SLC19A1: variants seen among roughly 807,000 people sequenced by gnomAD.
SLC19A1 encodes solute carrier family 19 member 1.
A neutral mutation model predicts 35.3 loss-of-function variants in SLC19A1; 37 were observed. That is an observed-to-expected ratio of 1.05 (90% CI 0.81 to 1.38). The LOEUF (loss-of-function observed/expected upper bound fraction) is 1.38. Among genes scored for constraint, SLC19A1 ranks in the 40% most tolerant of loss-of-function variants. The pLI is 0.00. For missense variants in SLC19A1, 831 were observed against 826.9 expected, an observed-to-expected ratio of 1.00 and a Z score of -0.06; for synonymous variants, 460 against 398.5, an observed-to-expected ratio of 1.15 and a Z score of -1.84.
At chr21:45,537,737 C>CA in intron 2 of SLC19A1, 34 bp downstream of exon 2, 1 of 1,213,156 alleles carries the variant, frequency 8.2e-7, no homozygotes, top group Non-Finnish European at 1.0e-6. Context: ...CACCCACCCA[C>CA]AGGCGGCCGC....
rs138465418 is a variant in SLC19A1, at chr21:45,522,964, C to G, written c.1293+2853G>C. Among the ~76,000 whole-genome samples, 466 of 152,280 alleles carry G rather than the reference C, an allele frequency of 3.1e-3. 1 individual carries two copies. The highest frequency in any genetic ancestry group is 5.0e-3 in the Admixed American group (76 of 15,306). ...GCTACAGAACTGTAAGACGTGACCACTGTGAAAACTGGGTACGGGGTACAT... is the reference window on the plus strand; with the variant it reads ...GCTACAGAACTGTAAGACGTGACCAGTGTGAAAACTGGGTACGGGGTACAT... On this transcript the variant is annotated intron_variant, in intron 5 of 5. Transcript: ENST00000311124.
At chr21:45,503,304 C>T (rs2036965166) in intron 3 of SLC19A1, among the ~76,000 whole-genome samples, 1 of 152,116 alleles carries the variant, frequency 6.6e-6, no homozygotes, top group South Asian at 2.1e-4. Flanking sequence ...TTTTGATTTG[C>T]ATTTCTCTGA....
chr21:45,537,292 C>A lies in SLC19A1; in HGVS notation c.189+479G>T, dbSNP rs565536035. Among the ~76,000 whole-genome samples, 31 of 152,244 alleles carry A rather than the reference C, an allele frequency of 2.0e-4. No individual in the cohort carries two copies. In the South Asian group the frequency reaches 6.4e-3, roughly 32 times the overall value. ...GCTGCTGGGAGTGTGAGACCCCAGC[C>A]GGGTTCCCTCCAGGACCATATTATC... On this transcript the variant is annotated intron_variant, in intron 2 of 5. Transcript: ENST00000311124.
At position 45,515,186 on chromosome 21, in the gene SLC19A1, A is replaced by C; in HGVS notation, c.*472T>G. 1.3e-6 allele frequency: 2 copies of C among 1,521,560 alleles called. No individual in the cohort carries two copies. Among genetic ancestry groups the C allele is most frequent in the Non-Finnish European group, 1.8e-6 (2 of 1,140,006 alleles). 94.3% of individuals were successfully genotyped at this position (1,521,560 alleles called of 1,614,324 possible). ...GTTAAAAAAAAAAAAAGCATCTTTC[A>C]AAAAAGCAAGAGCACCAAGGATGAC... On this transcript the variant is annotated 3_prime_UTR_variant, in exon 6 of 6. Transcript: ENST00000311124.
Position 45,504,499 on chromosome 21 carries a change from GCCCGGCCCC to G in SLC19A1, c.498-5896_498-5888del, listed in dbSNP as rs777010917. On this transcript the variant is annotated intron_variant, in intron 3 of 4. Transcript: ENST00000417954. ...GCGGCGGTTTCTTCGGCTCCAGCCT[GCCCGGCCCC>G]CCCGGCCCCCCAGGCCCCCCAGGCC... The G allele has an allele frequency of 2.6e-3, 3,902 of 1,499,152 alleles. 6 individuals carry two copies. The highest frequency in any genetic ancestry group is 3.4e-3 in the Admixed American group (161 of 47,792). The allele number at this position is 1,499,152 out of a possible 1,614,324, so 92.9% of individuals were successfully genotyped here.
downstream of SLC19A1, among the ~76,000 whole-genome samples, chr21:45,509,130 T>G (rs1474150271): frequency 2.6e-5 from 4 of 152,080 alleles, no homozygotes; most frequent in Non-Finnish European, 5.9e-5. Flanking sequence ...CGGCTGGGTC[T>G]GTGGGGCCTG....
rs773822704 is a variant in SLC19A1, at chr21:45,504,407, C to G, written c.498-5795G>C. On this transcript the variant is annotated intron_variant, in intron 3 of 4. Transcript: ENST00000417954. ...AGGGCTCCCGTGTAACAAGTGTTTCCGTCCACAGGGGGAGAAGGGAGACCG... is the reference window on the plus strand; with the variant it reads ...AGGGCTCCCGTGTAACAAGTGTTTCGGTCCACAGGGGGAGAAGGGAGACCG... 2 of 1,610,316 alleles carry G rather than the reference C, an allele frequency of 1.2e-6. No homozygotes were observed. Among genetic ancestry groups the G allele is most frequent in the East Asian group, 2.2e-5 (1 of 44,842 alleles).
In SLC19A1 at chr21:45,534,048, G is replaced by A. The variant is rs144318096; in HGVS notation, c.190-1900C>T. On this transcript the variant is annotated intron_variant, in intron 2 of 5. Coordinates refer to ENST00000311124, the MANE Select transcript of SLC19A1 (RefSeq NM_194255.4). This position sits in a 1 kb window ranked among gnomAD's most constrained non-coding sequence, Gnocchi z 4.2. ...TGACCCAAAGGCTGTGGTCCCAGCA[G>A]CACCAGGCACCCAAGGTCCCTCCGG... Among the ~76,000 whole-genome samples, 57 of 152,270 alleles carry A rather than the reference G, an allele frequency of 3.7e-4. No individual in the cohort carries two copies. The highest frequency in any genetic ancestry group is 1.2e-3 in the African/African-American group (50 of 41,564).
intron 1 of SLC19A1, among the ~76,000 whole-genome samples, chr21:45,549,991 A>T (rs1424034605): frequency 6.6e-6 from 1 of 151,880 alleles, no homozygotes; most frequent in Non-Finnish European, 1.5e-5. Flanking sequence ...CAGGCTGCAG[A>T]GCCCCGAACT....
Position 45,549,684 on chromosome 21 carries a change from G to A in SLC19A1, c.-49-11676C>T, listed in dbSNP as rs1387084125. Among the ~76,000 whole-genome samples, 15 of 80,362 alleles carry A rather than the reference G, an allele frequency of 1.9e-4. No individual in the cohort carries two copies. In the East Asian group the frequency reaches 2.2e-3, roughly 12 times the overall value. 52.7% of individuals were successfully genotyped at this position (80,362 alleles called of 152,430 possible). On this transcript the variant is annotated intron_variant, in intron 1 of 5. Transcript: ENST00000650808. ...GTGGGGAGGGGGACAGGTGGTGGGG[G>A]AGGGGCAGGGGGAGAGGTGGTGGGT... is the stretch of plus-strand genomic sequence containing the variant.
At chr21:45,505,805 C>CA in intron 3 of SLC19A1, 1 of 1,562,786 alleles carries the variant, frequency 6.4e-7, no homozygotes, top group African/African-American at 1.3e-5. Flanking sequence ...CCCTCCCCGC[C>CA]AAGCCCCACA....
chr21:45,555,065 C>A (rs1242567503), intron 1 of SLC19A1, among the ~76,000 whole-genome samples: 10 of 149,964 alleles, frequency 6.7e-5, no homozygotes, highest in African/African-American at 2.5e-4. Context: ...CCCGACGCAA[C>A]GCGGGGAGTG....
At chr21:45,535,119 G>A (rs1045114812) in intron 2 of SLC19A1, among the ~76,000 whole-genome samples, 3 of 152,374 alleles carry the variant, frequency 2.0e-5, no homozygotes, top group South Asian at 4.1e-4. Context: ...GGCTGGGGAC[G>A]GGGCATGGGC....
Position 45,512,588 on chromosome 21 carries a change from C to A in SLC19A1, c.*3070G>T. ...AGTGTATTTTTTTAAAAGTTTAAAACAGAAGCCTGATGCTGACATTCACCT... is the reference window on the plus strand; with the variant it reads ...AGTGTATTTTTTTAAAAGTTTAAAAAAGAAGCCTGATGCTGACATTCACCT... On this transcript the variant is annotated 3_prime_UTR_variant, in exon 6 of 6. Transcript: ENST00000311124. The A allele has an allele frequency of 1.6e-6, 1 of 638,476 alleles. No individual in the cohort carries two copies. The highest frequency in any genetic ancestry group is 2.7e-6 in the Non-Finnish European group (1 of 370,082). The allele number at this position is 638,476 out of a possible 1,614,324, so 39.6% of individuals were successfully genotyped here.
intron 3 of SLC19A1, chr21:45,506,363 T>C: frequency 2.8e-6 from 1 of 352,968 alleles, no homozygotes; most frequent in South Asian, 2.2e-5. Context: ...GGGGGCAGGC[T>C]GTCCCGTGGC....
upstream of SLC19A1, among the ~76,000 whole-genome samples, chr21:45,545,951 C>T (rs902189835): frequency 6.6e-5 from 10 of 152,218 alleles, no homozygotes; most frequent in African/African-American, 1.7e-4. Context: ...TGCAGCTGCC[C>T]CTCTCTCCAG....
At chr21:45,561,184 C>T (rs1419288739) in intron 1 of SLC19A1, among the ~76,000 whole-genome samples, 1 of 152,166 alleles carries the variant, frequency 6.6e-6, no homozygotes, top group South Asian at 2.1e-4. Flanking sequence ...CAGCTGGGGG[C>T]AAATGCCTTC....
In SLC19A1 at chr21:45,554,880, T is replaced by G. The variant is rs546433165; in HGVS notation, c.-50+7862A>C. On this transcript the variant is annotated intron_variant, in intron 1 of 5. Coordinates refer to the SLC19A1 transcript ENST00000650808. Reference sequence around the variant, plus strand: ...TTCATTGAGTCCCAGCAGCGGGCCCTGTTCCCGGCTTCAGTGGCGAGGCCC... The same window carrying G: ...TTCATTGAGTCCCAGCAGCGGGCCCGGTTCCCGGCTTCAGTGGCGAGGCCC... Among the ~76,000 whole-genome samples, 505 of 152,042 alleles carry G rather than the reference T, an allele frequency of 3.3e-3. 1 individual carries two copies. Among genetic ancestry groups the G allele is most frequent in the African/African-American group, 0.012 (484 of 41,534 alleles).
chr21:45,542,808 C>T (rs2078354807), upstream of SLC19A1, among the ~76,000 whole-genome samples: 1 of 151,362 alleles, frequency 6.6e-6, no homozygotes, highest in African/African-American at 2.4e-5. Flanking sequence ...CCGGTCCCCT[C>T]CTGACCCCCC....
Sources: gnomAD v4.1 joint callset for allele counts (sites outside exome capture counted in the v4.1 genomes callset) on GRCh38, gnomAD v4.1.1 for gene constraint, Gnocchi (gnomAD v3.1) non-coding constraint, MANE v1.5 for transcripts, NCBI Gene and HGNC (gene_info 2026-07-23, HGNC 2026-07-21) for gene names.